The following SEMA3A variants were observed in gnomAD, a reference collection of about 807,000 sequenced individuals.
The protein encoded by SEMA3A is semaphorin 3A.
SEMA3A carries 29 observed loss-of-function variants against 97.9 expected under a neutral mutation model. That is an observed-to-expected ratio of 0.30 (90% CI 0.22 to 0.40). The LOEUF (loss-of-function observed/expected upper bound fraction) is 0.40. SEMA3A is among the 10% of genes least tolerant of loss of function. SEMA3A has a pLI of 1.00. For synonymous variants in SEMA3A, 321 were observed against 323.7 expected (o/e 0.99, Z 0.09); for missense variants, 763 against 951.3 (o/e 0.80, Z 2.60).
At chr7:84,477,666 C>T (rs1427307321) in intron 1 of SEMA3A, among the ~76,000 whole-genome samples, 1 of 151,872 alleles carries the variant, frequency 6.6e-6, no homozygotes, top group Non-Finnish European at 1.5e-5. Context: ...AGATATATTT[C>T]CATATCTATA....
chr7:84,022,369 A>G (rs972006448), intron 6 of SEMA3A, among the ~76,000 whole-genome samples: 12 of 152,186 alleles, frequency 7.9e-5, no homozygotes, highest in African/African-American at 2.9e-4. Flanking sequence ...TGAAAAACTC[A>G]AATCTAATAA....
chr7:84,347,021 G>C (rs1802315040), intron 2 of SEMA3A, among the ~76,000 whole-genome samples: 1 of 152,252 alleles, frequency 6.6e-6, no homozygotes, highest in East Asian at 1.9e-4. Flanking sequence ...ATACACTATG[G>C]ATAACACTAA....
At chr7:84,333,702 T>C (rs557453717) in intron 2 of SEMA3A, among the ~76,000 whole-genome samples, 3 of 152,310 alleles carry the variant, frequency 2.0e-5, no homozygotes, top group African/African-American at 7.2e-5. Flanking sequence ...AAAGGTGTAA[T>C]GCCTATGAGC....
chr7:84,172,002 G>A (rs1422349227), intron 1 of SEMA3A, among the ~76,000 whole-genome samples: 5 of 152,130 alleles, frequency 3.3e-5, no homozygotes, highest in Non-Finnish European at 5.9e-5. Flanking sequence ...TCAAAAGTAA[G>A]AATTCACTCT....
In SEMA3A at chr7:84,293,366, C is replaced by T. The variant is rs558520036; in HGVS notation, c.-83+13841G>A. Among the ~76,000 whole-genome samples, 9 of 152,086 alleles carry T rather than the reference C, an allele frequency of 5.9e-5. No individual in the cohort carries two copies. In the South Asian group the frequency reaches 1.9e-3, roughly 32 times the overall value. ...CATATTTGCCTTTTGATTGATATAA[C>T]TATGTCAGAGTTTCTTTCTGAACAT... is the stretch of plus-strand genomic sequence containing the variant. On this transcript the variant is annotated intron_variant, in intron 3 of 3. Transcript: ENST00000424555.
At chr7:84,306,602 C>A (rs111361315) in intron 3 of SEMA3A, 9 of 151,998 alleles carry the variant, frequency 5.9e-5, no homozygotes, top group Non-Finnish European at 1.2e-4. Context: ...TGAAATGAAT[C>A]CTGAGAAACC....
chr7:84,173,890 T>G (rs1207503317), intron 1 of SEMA3A, among the ~76,000 whole-genome samples: 2 of 152,108 alleles, frequency 1.3e-5, no homozygotes, highest in Non-Finnish European at 2.9e-5. Flanking sequence ...CAGAACCCTA[T>G]TGTGAACTGC....
chr7:84,445,443 G>A (rs540000806), intron 1 of SEMA3A, among the ~76,000 whole-genome samples: 4 of 121,524 alleles, frequency 3.3e-5, no homozygotes, highest in Admixed American at 1.1e-4. Flanking sequence ...CTAGTGAACC[G>A]AGAGCATGCC....
At chr7:84,258,646 T>A (rs1799772392) in intron 3 of SEMA3A, among the ~76,000 whole-genome samples, 3 of 152,170 alleles carry the variant, frequency 2.0e-5, no homozygotes, top group Admixed American at 2.0e-4. Flanking sequence ...ATGCTTCAGG[T>A]CACAATGCAT....
intron 1 of SEMA3A, among the ~76,000 whole-genome samples, chr7:84,185,692 G>GAAAAAAAAAAAA (rs71078810): frequency 1.3e-5 from 1 of 78,132 alleles, no homozygotes; most frequent in Non-Finnish European, 2.3e-5. Context: ...ACTCTGGCAG[G>GAAAAAAAAAAAA]AAAAAAAAAA....
At chr7:84,024,107 G>T (rs1006290658) in intron 6 of SEMA3A, among the ~76,000 whole-genome samples, 1 of 151,716 alleles carries the variant, frequency 6.6e-6, no homozygotes, top group African/African-American at 2.4e-5. Flanking sequence ...TAACTATGAA[G>T]GAAAACTCTT....
chr7:84,455,238 G>A (rs1393010518), intron 1 of SEMA3A, among the ~76,000 whole-genome samples: 2 of 151,816 alleles, frequency 1.3e-5, no homozygotes, highest in East Asian at 1.9e-4. Context: ...TCTAAAAAAG[G>A]TTAAAAATAA....
chr7:84,357,322 T>G (rs550698192), intron 2 of SEMA3A, among the ~76,000 whole-genome samples: 6 of 148,702 alleles, frequency 4.0e-5, no homozygotes, highest in Non-Finnish European at 7.4e-5. Flanking sequence ...CATGTGATGT[T>G]CCCATTCCTG....
At chr7:84,054,059 G>A (rs915459150) in intron 5 of SEMA3A, among the ~76,000 whole-genome samples, 3 of 151,800 alleles carry the variant, frequency 2.0e-5, no homozygotes, top group African/African-American at 7.2e-5. Flanking sequence ...CTTCTGGCTT[G>A]TAGGGTTTCT....
intron 3 of SEMA3A, among the ~76,000 whole-genome samples, chr7:84,301,785 T>A (rs1403836416): frequency 6.6e-6 from 1 of 152,138 alleles, no homozygotes; most frequent in Non-Finnish European, 1.5e-5. Context: ...AGTACTATAG[T>A]TTGCAGAGCC....
chr7:84,194,663 T>C lies in SEMA3A; in HGVS notation c.-77A>G. Reference sequence around the variant, plus strand: ...TGCGGCCAGAGAAGTTCAAACAATCTGGAAACTGGAGGTAACAGGTGATTT... The same window carrying C: ...TGCGGCCAGAGAAGTTCAAACAATCCGGAAACTGGAGGTAACAGGTGATTT... On this transcript the variant is annotated 5_prime_UTR_variant, in exon 1 of 17. Transcript: ENST00000265362. 2 of 887,440 alleles carry C rather than the reference T, an allele frequency of 2.3e-6. No homozygotes were observed. The highest frequency in any genetic ancestry group is 3.7e-6 in the Non-Finnish European group (2 of 539,214). The allele number at this position is 887,440 out of a possible 1,614,324, so 55.0% of individuals were successfully genotyped here. A position where few individuals can be genotyped will look rare whatever the true frequency, so the allele number is the denominator to read the frequency against.
intron 1 of SEMA3A, among the ~76,000 whole-genome samples, chr7:84,443,804 G>C (rs927438668): frequency 6.0e-5 from 9 of 150,844 alleles, no homozygotes; most frequent in African/African-American, 1.7e-4. Context: ...TTCTTACCAT[G>C]ATCTTTGCTC....
intron 3 of SEMA3A, among the ~76,000 whole-genome samples, chr7:84,266,588 T>A (rs1203706015): frequency 7.2e-5 from 11 of 151,818 alleles, no homozygotes; most frequent in Non-Finnish European, 1.6e-4. Flanking sequence ...AAAACTGCAA[T>A]GAAATGGAAG....
chr7:84,114,481 C>T (rs770849048), intron 3 of SEMA3A, among the ~76,000 whole-genome samples: 3 of 152,058 alleles, frequency 2.0e-5, no homozygotes, highest in South Asian at 4.1e-4. Flanking sequence ...TCTATCCCAT[C>T]GATAGTTTGT....
Sources: allele counts gnomAD v4.1 joint callset (sites outside exome capture counted in the v4.1 genomes callset), GRCh38; gene constraint gnomAD v4.1.1; transcripts MANE v1.5; gene names NCBI Gene and HGNC (gene_info 2026-07-23, HGNC 2026-07-21).